Variants in BAZ2B observed in about 807,000 individuals in gnomAD.
The protein encoded by BAZ2B is bromodomain adjacent to zinc finger domain 2B.
Under a neutral mutation model 246.0 loss-of-function variants are expected in BAZ2B, and 91 were observed. The observed-to-expected ratio is 0.37, with a 90% CI of 0.31 to 0.44. The LOEUF is 0.44. Ranked by LOEUF, BAZ2B falls within the 20% of genes least tolerant of loss-of-function variation. The pLI, the probability that BAZ2B is intolerant of heterozygous loss-of-function variation, is 1.00. For missense variants in BAZ2B, 2,332 were observed against 2,533.7 expected (o/e 0.92, Z 1.71); for synonymous variants, 855 against 860.0 (o/e 0.99, Z 0.10).
At chr2:159,501,803 G>A (rs2081876350) in intron 2 of BAZ2B, among the ~76,000 whole-genome samples, 1 of 152,016 alleles carries the variant, frequency 6.6e-6, no homozygotes, top group Non-Finnish European at 1.5e-5. Context: ...TCAACTCTTA[G>A]GTAGAATTCT....
At chr2:159,515,518 ATG>A (rs2083343268) in intron 2 of BAZ2B, among the ~76,000 whole-genome samples, 2 of 152,196 alleles carry the variant, frequency 1.3e-5, no homozygotes, top group South Asian at 4.1e-4. Context: ...GTTACTGCAA[ATG>A]TTTTCCTATG....
In BAZ2B at chr2:159,476,435, A is replaced by C. The variant is rs2078560824; in HGVS notation, c.145+2140T>G. ...CTAGTAGCAAATAATGATTAAAAAA[A>C]CGCATCCCTTTCTAGACAAGGTTTC... On this transcript the variant is annotated intron_variant, in intron 3 of 36. Transcript: ENST00000392783. Among the ~76,000 whole-genome samples the C allele has an allele frequency of 1.3e-5, 2 of 152,188 alleles. 1 individual carries two copies. The highest frequency in any genetic ancestry group is 4.1e-4 in the South Asian group (2 of 4,830).
chr2:159,583,130 T>C (rs1239426941), intron 1 of BAZ2B, among the ~76,000 whole-genome samples: 1 of 115,606 alleles, frequency 8.7e-6, no homozygotes, highest in Admixed American at 8.2e-5. Flanking sequence ...TTTTTTTTTG[T>C]TGAGACGGAG....
chr2:159,694,663 T>C, the BAZ2B span: 1 of 152,246 alleles, frequency 6.6e-6, no homozygotes, highest in South Asian at 2.1e-4. Context: ...GCAGCAGAAC[T>C]TCATTCCTTT....
intron 6 of BAZ2B, among the ~76,000 whole-genome samples, chr2:159,442,603 A>G (rs1442206201): frequency 1.3e-5 from 2 of 152,230 alleles, no homozygotes; most frequent in African/African-American, 4.8e-5. Flanking sequence ...TGCAAACATC[A>G]GTGCTATCCA....
chr2:159,646,784 T>C, the BAZ2B span, among the ~76,000 whole-genome samples: 1 of 152,208 alleles, frequency 6.6e-6, no homozygotes, highest in East Asian at 1.9e-4. Flanking sequence ...AAATTCTACT[T>C]ACTGCAAAAT....
At chr2:159,441,062 C>G (rs2073306204) in intron 6 of BAZ2B, among the ~76,000 whole-genome samples, 1 of 152,074 alleles carries the variant, frequency 6.6e-6, no homozygotes, top group Non-Finnish European at 1.5e-5. Flanking sequence ...GTCAAAGAAA[C>G]AGCTACTTCT....
intron 3 of BAZ2B, chr2:159,460,252 G>T (rs1333312686): frequency 6.6e-6 from 1 of 151,930 alleles, no homozygotes; most frequent in African/African-American, 2.4e-5. Context: ...ATTCAACAAG[G>T]TTTTCCCCCT....
chr2:159,500,144 GT>G (rs1183471445), intron 2 of BAZ2B, among the ~76,000 whole-genome samples: 1 of 152,088 alleles, frequency 6.6e-6, no homozygotes, highest in African/African-American at 2.4e-5. Context: ...GGTTTTTATA[GT>G]TTTGGGTTTT....
At chr2:159,361,812 GGATGAAGCTGGAAACCATCATTC>G (rs1239693749) in intron 27 of BAZ2B, among the ~76,000 whole-genome samples, 4 of 152,108 alleles carry the variant, frequency 2.6e-5, no homozygotes, top group Non-Finnish European at 4.4e-5. Flanking sequence ...GCAGGGACAT[GGATGAAGCTGGAAACCATCATTC>G]TTAGCAAACT....
intron 2 of BAZ2B, among the ~76,000 whole-genome samples, chr2:159,481,789 A>T (rs971365899): frequency 1.4e-5 from 2 of 145,890 alleles, no homozygotes; most frequent in African/African-American, 5.1e-5. Context: ...TGAAAGAAAG[A>T]AAAAAAAAAA....
Position 159,382,593 on chromosome 2 carries a change from T to C in BAZ2B, c.3971A>G (p.Lys1324Arg). ...ACAGATATCAGTCTTTTTTCCTTTT[T>C]TGTCTTCTTTATCTTCTTCATCCTC... The part of the protein sequence containing the change: ...DDEDEEDKED[K>R]KGKKTDICED... The change falls in exon 25 of 37, where the codon AAA becomes AGA. Residue 1324 changes from lysine (K) to arginine (R), a missense_variant. Physicochemically the swap from Lys to Arg is conservative, Grantham distance 26. This residue lies in a region of BAZ2B where 676 missense variants were observed against 668.6 expected (regional missense o/e 1.01). Transcript: ENST00000392783. 6.4e-7 allele frequency: 1 copy of C among 1,552,944 alleles called. No homozygotes were observed. Among genetic ancestry groups the C allele is most frequent in the South Asian group, 1.2e-5 (1 of 84,566 alleles).
the BAZ2B span, among the ~76,000 whole-genome samples, chr2:159,670,341 T>C: frequency 6.6e-6 from 1 of 152,216 alleles, no homozygotes; most frequent in Non-Finnish European, 1.5e-5. Context: ...TATTGGCTCA[T>C]GAACTGTACC....
intron 18 of BAZ2B, 60 bp from the exon 19 acceptor site, chr2:159,397,449 G>T: frequency 8.9e-7 from 1 of 1,128,234 alleles, no homozygotes; most frequent in South Asian, 1.5e-5. Context: ...CATGCTAAAA[G>T]TATTAAAAGT....
At chr2:159,414,608 G>C (rs2067350408) in intron 13 of BAZ2B, among the ~76,000 whole-genome samples, 1 of 151,938 alleles carries the variant, frequency 6.6e-6, no homozygotes, top group Non-Finnish European at 1.5e-5. Context: ...CCTGAGGTCA[G>C]GAGTTTGAGA....
intron 1 of BAZ2B, among the ~76,000 whole-genome samples, chr2:159,610,485 G>GA (rs1427531393): frequency 6.6e-6 from 1 of 152,158 alleles, no homozygotes; most frequent in African/African-American, 2.4e-5. Context: ...CATGTTTGTG[G>GA]AAAAGTGTTA....
chr2:159,543,664 T>C (rs1034950891), intron 2 of BAZ2B, among the ~76,000 whole-genome samples: 3 of 151,766 alleles, frequency 2.0e-5, no homozygotes, highest in African/African-American at 7.3e-5. Context: ...GCCTCCTGAG[T>C]AGCTGCAACT....
chr2:159,547,554 A>G (rs1189503164), intron 2 of BAZ2B, among the ~76,000 whole-genome samples: 1 of 151,904 alleles, frequency 6.6e-6, no homozygotes, highest in Non-Finnish European at 1.5e-5. Context: ...AGCATTTCTT[A>G]TATCTCACAG....
chr2:159,386,694 T>C (rs1360456062), intron 21 of BAZ2B, 87 bp from the exon 22 acceptor site: 14 of 1,393,946 alleles, frequency 1.0e-5, no homozygotes, highest in Admixed American at 2.8e-5. Flanking sequence ...TAAAATAAGC[T>C]GCTACCTTTT....
Sources: allele counts gnomAD v4.1 joint callset (sites outside exome capture counted in the v4.1 genomes callset), GRCh38; gene constraint gnomAD v4.1.1; regional missense constraint gnomAD v4.1.1; transcripts MANE v1.5; gene names NCBI Gene and HGNC (gene_info 2026-07-23, HGNC 2026-07-21).